Variants in RELCH observed in about 807,000 individuals in gnomAD.
RELCH encodes RAB11-binding protein RELCH.
Under a neutral mutation model 150.3 loss-of-function variants are expected in RELCH, and 41 were observed. The ratio of observed to expected loss-of-function variants is 0.27; its 90% confidence interval spans 0.21 to 0.35. The LOEUF (loss-of-function observed/expected upper bound fraction) is 0.35. RELCH is among the 10% of genes least tolerant of loss of function. The pLI is 1.00. For missense variants in RELCH, 1,092 were observed against 1,467.8 expected (o/e 0.74, Z 4.18); for synonymous variants, 478 against 531.8 (o/e 0.90, Z 1.39).
At position 62,231,238 on chromosome 18, in the gene RELCH, G is replaced by A. The variant is rs762314033; in HGVS notation, c.1493G>A (p.Arg498Gln). The change falls in exon 9 of 29, where the codon CGA (arginine) becomes CAA (glutamine). Residue 498 changes from arginine (R) to glutamine (Q), a missense_variant. Arg to Gln is a conservative substitution (Grantham distance 43). This residue lies in a region of RELCH where 707 missense variants were observed against 1,025.4 expected (regional missense o/e 0.69). Transcript: ENST00000644646. ...AFHQALLSFC[R>Q]MSADSRLGYE... Reference sequence around the variant, plus strand: ...CATCAAGCACTACTCTCTTTTTGTCGAATGTCAGCAGATAGTCGTTTAGGA... The same window carrying A: ...CATCAAGCACTACTCTCTTTTTGTCAAATGTCAGCAGATAGTCGTTTAGGA... 8.1e-6 allele frequency: 13 copies of A among 1,607,198 alleles called. No homozygotes were observed. Among genetic ancestry groups the A allele is most frequent in the African/African-American group, 2.7e-5 (2 of 74,496 alleles).
At chr18:62,245,185 A>G (rs1232590329) in intron 11 of RELCH, among the ~76,000 whole-genome samples, 1 of 152,242 alleles carries the variant, frequency 6.6e-6, no homozygotes, top group African/African-American at 2.4e-5. Flanking sequence ...AATTTACCTT[A>G]TGCATAATAA....
At position 62,227,363 on chromosome 18, in the gene RELCH, T is replaced by G. The variant is rs144111275; in HGVS notation, c.933T>G (p.Phe311Leu). Residue 311 changes from phenylalanine to leucine, a missense_variant, in exon 6 of 29, where the codon TTT becomes TTG. Phe to Leu is a conservative substitution (Grantham distance 22, BLOSUM62 0). Around this residue, in one of 4 missense-constraint regions of RELCH, gnomAD observed 190 missense variants for 276.2 expected, o/e 0.69. Transcript: ENST00000644646. ...PPDLLQLYRD[F>L]GNHQVTGKDL... ...ACTTATTGCAACTCTACCGGGATTT[T>G]GGAAATCATCAAGTAACTGGAAAAG... 16 of 1,612,934 alleles carry G rather than the reference T, an allele frequency of 9.9e-6. No individual in the cohort carries two copies. In the East Asian group the frequency reaches 3.6e-4, roughly 36 times the overall value.
intron 1 of RELCH, among the ~76,000 whole-genome samples, chr18:62,203,996 T>C (rs961719311): frequency 6.6e-6 from 1 of 151,998 alleles, no homozygotes; most frequent in African/African-American, 2.4e-5. Flanking sequence ...CAGCAAGATA[T>C]AAGATTGTAT....
rs2144690395 is a variant in RELCH, at chr18:62,261,497, T to C, written c.2203-14T>C. 1 of 1,608,882 alleles carries C rather than the reference T, an allele frequency of 6.2e-7. No homozygotes were observed. Among genetic ancestry groups the C allele is most frequent in the African/African-American group, 1.3e-5 (1 of 74,790 alleles). On this transcript the variant is annotated splice_polypyrimidine_tract_variant and intron_variant, in intron 15 of 28. Coordinates refer to ENST00000644646, the MANE Select transcript of RELCH (RefSeq NM_001346231.2). The stretch of plus-strand genomic sequence containing the variant: ...CAAAAGACTAAAATTAGCTTCCACC[T>C]CCTTATGTTTCAGGAAGGAGAACAT...
rs369763999 is a variant in RELCH at position 62,228,348 on chromosome 18, G to T, written c.1198G>T (p.Val400Phe). The change falls in exon 8 of 29, where the codon GTT becomes TTT. Residue 400 changes from valine to phenylalanine, a missense_variant. Val to Phe is a conservative substitution (Grantham distance 50). Transcript: ENST00000644646. ...AAATGAACACTTTGCCATCCCAGCA[G>T]TTTGTGACTCTGTTCAGCCTCCTTT... ...LKNEHFAIPA[V>F]CDSVQPPLDQ... 2.5e-6 allele frequency: 4 copies of T among 1,613,008 alleles called. No homozygotes were observed. The highest frequency in any genetic ancestry group is 2.5e-6 in the Non-Finnish European group (3 of 1,179,494).
In RELCH at chr18:62,275,398, A is replaced by G. The variant is rs764316754; in HGVS notation, c.2892A>G (p.Leu964=). ...GTGCAAACCCAGCCTACCATGAGTT[A>G]CTATTAACTGTTTTGTGGTATGGTG... ...ELGANPAYHE[L]LLTVLWYGVV... Residue 964 remains leucine, a synonymous_variant, in exon 22 of 29, where the codon TTA becomes TTG. Coordinates refer to ENST00000644646, the MANE Select transcript of RELCH (RefSeq NM_001346231.2). 1 of 1,548,262 alleles carries G rather than the reference A, an allele frequency of 6.5e-7. No individual in the cohort carries two copies. Among genetic ancestry groups the G allele is most frequent in the Non-Finnish European group, 8.7e-7 (1 of 1,155,244 alleles).
intron 19 of RELCH, 68 bp from the exon 20 acceptor site, chr18:62,268,801 G>T (rs953040509): frequency 1.4e-5 from 10 of 732,380 alleles, no homozygotes; most frequent in South Asian, 2.1e-5. Flanking sequence ...AAATATAATC[G>T]CATTATGATT....
At chr18:62,277,246 G>A (rs2044261300) in intron 22 of RELCH, among the ~76,000 whole-genome samples, 2 of 152,014 alleles carry the variant, frequency 1.3e-5, no homozygotes, top group South Asian at 4.1e-4. Context: ...TGCTGTCAGT[G>A]CTGGTCTGGA....
intron 25 of RELCH, 130 bp downstream of exon 25, chr18:62,282,574 C>G (rs1440170397): frequency 2.0e-5 from 17 of 841,670 alleles, no homozygotes; most frequent in Non-Finnish European, 3.3e-5. Context: ...GTACTGAAAG[C>G]CTTGTGTACT....
intron 26 of RELCH, 62 bp from the exon 27 acceptor site, chr18:62,291,481 G>T: frequency 1.1e-6 from 1 of 902,710 alleles, no homozygotes; most frequent in African/African-American, 1.7e-5. Context: ...GTAGTAACTC[G>T]GTTGTTCTGT....
chr18:62,226,022 A>G (rs966308719), intron 5 of RELCH, among the ~76,000 whole-genome samples: 7 of 152,004 alleles, frequency 4.6e-5, no homozygotes, highest in Non-Finnish European at 1.0e-4. Flanking sequence ...TAAAGCCCCC[A>G]CTTGTAATAC....
intron 23 of RELCH, 54 bp downstream of exon 23, chr18:62,279,910 C>G (rs1344138221): frequency 1.8e-6 from 2 of 1,093,842 alleles, no homozygotes; most frequent in Non-Finnish European, 2.7e-6. Flanking sequence ...ATGTGCCTGT[C>G]AAGAAATAAC....
intron 2 of RELCH, among the ~76,000 whole-genome samples, chr18:62,217,779 A>G (rs1307454147): frequency 6.6e-6 from 1 of 152,052 alleles, no homozygotes; most frequent in Non-Finnish European, 1.5e-5. Context: ...AGGATGATAC[A>G]TGGATAAACA....
Position 62,305,075 on chromosome 18 carries a change from T to G in RELCH, c.3531-339T>G, listed in dbSNP as rs768618383. ...AGCACTATACTGAGCACTTTACAGT[T>G]GTGTTAATATAATCCTAATAACCCT... is the stretch of plus-strand genomic sequence containing the variant. On this transcript the variant is annotated intron_variant, in intron 28 of 28. Coordinates refer to ENST00000644646, the MANE Select transcript of RELCH (RefSeq NM_001346231.2). This position sits in a 1 kb window ranked among gnomAD's most constrained non-coding sequence, Gnocchi z 4.0. Among the ~76,000 whole-genome samples the G allele has an allele frequency of 4.6e-5, 7 of 152,238 alleles. No homozygotes were observed. The highest frequency in any genetic ancestry group is 8.8e-5 in the Non-Finnish European group (6 of 68,046).
intron 1 of RELCH, among the ~76,000 whole-genome samples, chr18:62,210,745 TTTTGTGTATCAAGTAA>T (rs1295640392): frequency 2.6e-5 from 4 of 152,220 alleles, no homozygotes; most frequent in Admixed American, 6.5e-5. Context: ...TTTTACTGGT[TTTTGTGTATCAAGTAA>T]TTTTTGACTG....
At position 62,297,383 on chromosome 18, in the gene RELCH, A is replaced by G. The variant is rs536788597; in HGVS notation, c.3460-1407A>G. On this transcript the variant is annotated intron_variant, in intron 27 of 28. Coordinates refer to ENST00000644646, the MANE Select transcript of RELCH (RefSeq NM_001346231.2). ...CATTAGTAGACATCCCAAGATTACC[A>G]GTCATTTAGAAAAGCCTAGAATACC... is the stretch of plus-strand genomic sequence containing the variant. 8.6e-4 allele frequency among the ~76,000 whole-genome samples: 131 copies of G among 152,164 alleles called. 1 individual carries two copies. The highest frequency in any genetic ancestry group is 1.1e-3 in the Non-Finnish European group (76 of 68,022).
intron 28 of RELCH, among the ~76,000 whole-genome samples, chr18:62,303,732 G>T (rs775583423): frequency 9.2e-5 from 14 of 152,134 alleles, no homozygotes; most frequent in Admixed American, 4.6e-4. Context: ...GACTGAAGGG[G>T]GTCAAAGAGA....
chr18:62,262,858 T>G (rs1339770595), intron 16 of RELCH, among the ~76,000 whole-genome samples: 1 of 145,084 alleles, frequency 6.9e-6, no homozygotes, highest in Non-Finnish European at 1.5e-5. Context: ...TTCTGAATTT[T>G]AGAAGTCTGA....
rs113189850 is a variant in RELCH at position 62,194,191 on chromosome 18, T to G, written c.526+6160T>G. Among the ~76,000 whole-genome samples, 474 of 152,212 alleles carry G rather than the reference T, an allele frequency of 3.1e-3. 4 individuals carry two copies. Among genetic ancestry groups the G allele is most frequent in the African/African-American group, 0.011 (446 of 41,538 alleles). On this transcript the variant is annotated intron_variant, in intron 1 of 28. Transcript: ENST00000644646. ...TGAGCCCAGGTGGCCAAGGCTGCAG[T>G]GAGCCATGATACCACTGCACTCCAG...
Sources: gnomAD v4.1 joint callset for allele counts (sites outside exome capture counted in the v4.1 genomes callset) on GRCh38, gnomAD v4.1.1 for gene constraint, gnomAD v4.1.1 regional missense constraint, Gnocchi (gnomAD v3.1) non-coding constraint, MANE v1.5 for transcripts, NCBI Gene and HGNC (gene_info 2026-07-23, HGNC 2026-07-21) for gene names.